HMCN2: variants seen among roughly 807,000 people sequenced by gnomAD.
HMCN2 encodes hemicentin-2.
A neutral mutation model predicts 377.5 loss-of-function variants in HMCN2; 325 were observed. That is an observed-to-expected ratio of 0.86 (90% CI 0.79 to 0.94). The LOEUF (loss-of-function observed/expected upper bound fraction) is 0.94. HMCN2 is among the 40% of genes least tolerant of loss of function. HMCN2 has a pLI of 0.00. For synonymous variants in HMCN2, 2,007 were observed against 2,046.8 expected (o/e 0.98, Z 0.53); for missense variants, 4,543 against 4,725.3 (o/e 0.96, Z 1.13).
chr9:130,372,994 C>CCT (rs1554959682), intron 47 of HMCN2, 44 bp from the exon 48 acceptor site: 1 of 145,382 alleles, frequency 6.9e-6, no homozygotes, highest in Non-Finnish European at 1.5e-5. Flanking sequence ...GCCAGCCCCC[C>CCT]CCCCCACCCC....
Position 130,410,582 on chromosome 9 carries a change from G to A in HMCN2, c.12891G>A (p.Ala4297=), listed in dbSNP as rs112661203. ...LTIRRTERDD[A]GRYQCLAENE... Reference sequence around the variant, plus strand: ...GTGCCCACTTGCAGAGGGACGATGCGGGACGGTACCAGTGCCTGGCAGAGA... The same window carrying A: ...GTGCCCACTTGCAGAGGGACGATGCAGGACGGTACCAGTGCCTGGCAGAGA... The change falls in exon 85 of 98, where the codon GCG becomes GCA. Residue 4297 remains alanine (A), a synonymous_variant. Coordinates refer to ENST00000683500, the MANE Select transcript of HMCN2 (RefSeq NM_001291815.2). 3,147 of 1,550,556 alleles carry A rather than the reference G, an allele frequency of 2.0e-3. 23 individuals are homozygous for A. Among genetic ancestry groups the A allele is most frequent in the Middle Eastern group, 0.013 (76 of 5,992 alleles).
intron 54 of HMCN2, among the ~76,000 whole-genome samples, 198 bp from the exon 55 acceptor site, chr9:130,381,986 C>T (rs34780760): frequency 0.1 from 15,795 of 152,158 alleles, 852 homozygotes; most frequent in Middle Eastern, 0.13. Context: ...GGGCCTGGCA[C>T]GCAGCGAGTG....
At chr9:130,344,042 G>A (rs1343500861) in intron 25 of HMCN2, among the ~76,000 whole-genome samples, 3 of 152,094 alleles carry the variant, frequency 2.0e-5, no homozygotes, top group African/African-American at 4.8e-5. Context: ...GGCAGCAGCT[G>A]GTGCCCGGGG....
At chr9:130,426,029 A>C (rs1844338908) in intron 90 of HMCN2, 105 bp downstream of exon 90, 3 of 854,458 alleles carry the variant, frequency 3.5e-6, no homozygotes, top group Non-Finnish European at 5.4e-6. Flanking sequence ...ACATCCACTG[A>C]CCATGGGCCA....
chr9:130,395,086 G>A lies in HMCN2; in HGVS notation c.10752G>A (p.Lys3584=), dbSNP rs1396823903. 2 of 1,283,344 alleles carry A rather than the reference G, an allele frequency of 1.6e-6. No homozygotes were observed. The highest frequency in any genetic ancestry group is 2.0e-6 in the Non-Finnish European group (2 of 986,750). The allele number at this position is 1,283,344 out of a possible 1,614,324, so 79.5% of individuals were successfully genotyped here. A position where few individuals can be genotyped will look rare whatever the true frequency, so the allele number is the denominator to read the frequency against. The change falls in exon 70 of 98, where the codon AAG becomes AAA. Residue 3584 remains lysine, a synonymous_variant. Transcript: ENST00000683500. The part of the protein sequence containing the change: ...LAESPAGAIE[K]SFRVRVQAPP... ...AAAGCCCTGCAGGTGCAATTGAGAA[G>A]AGCTTCCGGGTCAGGGTTCAAGGTA...
At chr9:130,298,417 G>A (rs761699008) in intron 7 of HMCN2, among the ~76,000 whole-genome samples, 3 of 152,160 alleles carry the variant, frequency 2.0e-5, no homozygotes, top group African/African-American at 4.8e-5. Flanking sequence ...TCAGCTACTC[G>A]GGAGGCTGAG....
Position 130,360,625 on chromosome 9 carries a change from A to C in HMCN2, c.5950+21A>C, listed in dbSNP as rs936230056. The C allele has an allele frequency of 1.4e-5, 18 of 1,265,964 alleles. No homozygotes were observed. Among genetic ancestry groups the C allele is most frequent in the Non-Finnish European group, 1.8e-5 (17 of 965,728 alleles). 78.4% of individuals were successfully genotyped at this position (1,265,964 alleles called of 1,614,324 possible). Reference sequence around the variant, plus strand: ...CAATGGTGAGCTTCCCTGGGCCTACAAGGTCCCTTGTCCAAAAAGTTGTCT... The same window carrying C: ...CAATGGTGAGCTTCCCTGGGCCTACCAGGTCCCTTGTCCAAAAAGTTGTCT... On this transcript the variant is annotated intron_variant, in intron 38 of 97. Coordinates refer to ENST00000683500, the MANE Select transcript of HMCN2 (RefSeq NM_001291815.2). The surrounding 1 kb of genome is among the most constrained non-coding windows in gnomAD (Gnocchi z 4.7).
intron 53 of HMCN2, 140 bp downstream of exon 53, chr9:130,377,939 C>T (rs1841483653): frequency 4.9e-6 from 3 of 608,478 alleles, no homozygotes; most frequent in Non-Finnish European, 4.1e-6. Context: ...TCTCAGCAGC[C>T]CAGAACGGCA....
chr9:130,359,337 C>T lies in HMCN2; in HGVS notation c.5696C>T (p.Pro1899Leu). ...LKVLVPPNIE[P>L]GPVNKAVLEN... ...CCCCTAGTGCCCCCCAACATCGAGC[C>T]AGGCCCAGTCAACAAGGCAGTGCTG... is the stretch of plus-strand genomic sequence containing the variant. The change falls in exon 37 of 98, where the codon CCA becomes CTA. Residue 1899 changes from proline (P) to leucine (L), a missense_variant. Physicochemically the swap from Pro to Leu is moderately conservative, Grantham distance 98 (BLOSUM62 -3). This residue lies in a region of HMCN2 where 1,032 missense variants were observed against 1,285.1 expected (regional missense o/e 0.80). Coordinates refer to ENST00000683500, the MANE Select transcript of HMCN2 (RefSeq NM_001291815.2). 3 of 1,303,922 alleles carry T rather than the reference C, an allele frequency of 2.3e-6. No homozygotes were observed. The highest frequency in any genetic ancestry group is 2.0e-6 in the Non-Finnish European group (2 of 988,588). 80.8% of individuals were successfully genotyped at this position (1,303,922 alleles called of 1,614,324 possible).
At position 130,393,537 on chromosome 9, in the gene HMCN2, G is replaced by A. The variant is rs185053458; in HGVS notation, c.10235-205G>A. On this transcript the variant is annotated intron_variant, in intron 67 of 97. Coordinates refer to ENST00000683500, the MANE Select transcript of HMCN2 (RefSeq NM_001291815.2). This position sits in a 1 kb window ranked among gnomAD's most constrained non-coding sequence, Gnocchi z 5.2. Reference sequence around the variant, plus strand: ...ATAGGCGGGGGCAGAGAGGCAGGAAGCAGCTCAGTAAAGAGACAATCACAA... The same window carrying A: ...ATAGGCGGGGGCAGAGAGGCAGGAAACAGCTCAGTAAAGAGACAATCACAA... Among the ~76,000 whole-genome samples, 1 of 152,310 alleles carries A rather than the reference G, an allele frequency of 6.6e-6. No individual in the cohort carries two copies. The highest frequency in any genetic ancestry group is 2.4e-5 in the African/African-American group (1 of 41,566).
intron 22 of HMCN2, among the ~76,000 whole-genome samples, chr9:130,337,267 C>T (rs1001212327): frequency 0.011 from 1,724 of 152,214 alleles, 39 homozygotes; most frequent in African/African-American, 0.04. Context: ...GGGAGGACAA[C>T]GATGGCAGCA....
intron 19 of HMCN2, among the ~76,000 whole-genome samples, chr9:130,322,311 A>G (rs1014045519): frequency 7.5e-5 from 10 of 133,426 alleles, no homozygotes; most frequent in African/African-American, 1.1e-4. Context: ...TCTATCATCT[A>G]TCTATCTAAT....
rs61748916 is a variant in HMCN2, at chr9:130,360,514, C to A, written c.5860C>A (p.Gln1954Lys). Reference sequence around the variant, plus strand: ...GGATGGGAGAGTTCTCCGCATTGAGCAAGCCCAGCTTTCTGATGCTGGGAG... The same window carrying A: ...GGATGGGAGAGTTCTCCGCATTGAGAAAGCCCAGCTTTCTGATGCTGGGAG... Reference protein sequence around the residue: ...SVDGRVLRIEQAQLSDAGSYR... With the variant: ...SVDGRVLRIEKAQLSDAGSYR... The change falls in exon 38 of 98, where the codon CAA (glutamine) becomes AAA (lysine). Residue 1954 changes from glutamine to lysine, a missense_variant. Around this residue, in one of 5 missense-constraint regions of HMCN2, gnomAD observed 1,032 missense variants for 1,285.1 expected, o/e 0.80. Coordinates refer to ENST00000683500, the MANE Select transcript of HMCN2 (RefSeq NM_001291815.2). This position sits in a 1 kb window ranked among gnomAD's most constrained non-coding sequence, Gnocchi z 4.7. 117,207 of 1,302,116 alleles carry A rather than the reference C, an allele frequency of 0.09. 5,756 individuals are homozygous for A. Among genetic ancestry groups the A allele is most frequent in the African/African-American group, 0.16 (10,775 of 65,820 alleles). The allele number at this position is 1,302,116 out of a possible 1,614,324, so 80.7% of individuals were successfully genotyped here. A position where few individuals can be genotyped will look rare whatever the true frequency, so the allele number is the denominator to read the frequency against.
intron 4 of HMCN2, among the ~76,000 whole-genome samples, chr9:130,290,082 C>T (rs533414316): frequency 6.6e-6 from 1 of 152,338 alleles, no homozygotes; most frequent in Admixed American, 6.5e-5. Flanking sequence ...AGATGAGCCC[C>T]AGTGCATCGC....
At chr9:130,384,929 T>G (rs7858563) in intron 59 of HMCN2, 131 bp downstream of exon 59, 391,170 of 493,690 alleles carry the variant, frequency 0.79, 158,770 homozygotes, top group East Asian at 0.87. Context: ...CCCGCACAGA[T>G]CAGCTCTGAG....
rs193146423 is a variant in HMCN2 at position 130,273,781 on chromosome 9, C to T, written c.259+7644C>T. 9.2e-3 allele frequency among the ~76,000 whole-genome samples: 1,395 copies of T among 152,204 alleles called. 10 individuals carry two copies. Among genetic ancestry groups the T allele is most frequent in the Middle Eastern group, 0.017 (5 of 292 alleles). On this transcript the variant is annotated intron_variant, in intron 1 of 97. Coordinates refer to ENST00000683500, the MANE Select transcript of HMCN2 (RefSeq NM_001291815.2). ...CCAAAGTGCTGGGATTACAGGCGTGCGCCTCCGCGCCCGGCCATCTTGTCT... is the reference window on the plus strand; with the variant it reads ...CCAAAGTGCTGGGATTACAGGCGTGTGCCTCCGCGCCCGGCCATCTTGTCT...
rs1306510193 is a variant in HMCN2, at chr9:130,384,005, T to A, written c.8831-368T>A. ...GGTCTCACTGTCCCGGAGCCTGCAC[T>A]CCTAACCTCTGCAACTCATGACGTA... On this transcript the variant is annotated intron_variant, in intron 57 of 97. Coordinates refer to ENST00000683500, the MANE Select transcript of HMCN2 (RefSeq NM_001291815.2). Among the ~76,000 whole-genome samples the A allele has an allele frequency of 3.4e-3, 518 of 152,262 alleles. 3 individuals carry two copies. Among genetic ancestry groups the A allele is most frequent in the African/African-American group, 0.01 (429 of 41,536 alleles).
Position 130,394,152 on chromosome 9 carries a change from C to T in HMCN2, c.10501+144C>T. 2.4e-6 allele frequency: 2 copies of T among 850,926 alleles called. No individual in the cohort carries two copies. The highest frequency in any genetic ancestry group is 3.2e-6 in the Non-Finnish European group (2 of 634,664). The allele number at this position is 850,926 out of a possible 1,614,324, so 52.7% of individuals were successfully genotyped here. A position where few individuals can be genotyped will look rare whatever the true frequency, so the allele number is the denominator to read the frequency against. ...GGAGCAGAACTCAGGGAACTTGGTT[C>T]TGGCTGGGATGCCTCTCTCACCTTC... On this transcript the variant is annotated intron_variant, in intron 68 of 97. Transcript: ENST00000683500. The surrounding 1 kb of genome is among the most constrained non-coding windows in gnomAD (Gnocchi z 5.1).
chr9:130,431,271 G>C lies in HMCN2; in HGVS notation c.14648-96G>C. On this transcript the variant is annotated intron_variant, in intron 95 of 97. Transcript: ENST00000683500. ...GGAGAAGGAGCAGGGCAGCTCCAGA[G>C]CCCAGCGGGCAGGTGTGTGGCCACG... is the stretch of plus-strand genomic sequence containing the variant. The C allele has an allele frequency of 5.5e-6, 7 of 1,266,800 alleles. 1 individual carries two copies. The South Asian group carries it at 9.9e-5, about 18-fold the overall frequency. 78.5% of individuals were successfully genotyped at this position (1,266,800 alleles called of 1,614,324 possible).
Sources: gnomAD v4.1 joint callset for allele counts (sites outside exome capture counted in the v4.1 genomes callset) on GRCh38, gnomAD v4.1.1 for gene constraint, gnomAD v4.1.1 regional missense constraint, Gnocchi (gnomAD v3.1) non-coding constraint, MANE v1.5 for transcripts, NCBI Gene and HGNC (gene_info 2026-07-23, HGNC 2026-07-21) for gene names.